Variants in OTUD7A observed in about 807,000 individuals in gnomAD.
OTUD7A encodes OTU deubiquitinase 7A.
OTUD7A carries 12 observed loss-of-function variants against 65.7 expected under a neutral mutation model. That is an observed-to-expected ratio of 0.18 (90% confidence interval 0.12 to 0.30). The LOEUF is 0.30. Ranked by LOEUF, OTUD7A falls within the 10% of genes least tolerant of loss-of-function variation. The probability of loss-of-function intolerance (pLI) is 1.00; values close to 1 mark genes in which losing one functional copy is unlikely to be tolerated. For missense variants in OTUD7A, 1,148 were observed against 1,304.8 expected (o/e 0.88, Z 1.85); for synonymous variants, 641 against 586.3 (o/e 1.09, Z -1.35).
chr15:31,564,387 G>GTTTTTTTTT lies in OTUD7A; in HGVS notation c.332-5209_332-5201dup, dbSNP rs398026753. ...TTTTTGGAAGTAGTCTTTGAGGAAG[G>GTTTTTTTTT]TTTTTTTTTTTTTAGCAAAAGAGAA... On this transcript the variant is annotated intron_variant, in intron 4 of 12. Transcript: ENST00000307050. Among the ~76,000 whole-genome samples, 25 of 119,924 alleles carry GTTTTTTTTT rather than the reference G, an allele frequency of 2.1e-4. 2 individuals carry two copies. The East Asian group carries it at 2.3e-3, about 11-fold the overall frequency. The allele number at this position is 119,924 out of a possible 152,430, so 78.7% of individuals were successfully genotyped here.
chr15:31,682,517 T>C (rs946418943), intron 1 of OTUD7A, among the ~76,000 whole-genome samples: 3 of 152,204 alleles, frequency 2.0e-5, no homozygotes, highest in Non-Finnish European at 1.5e-5. Flanking sequence ...CAGTATAGTA[T>C]TGGGATAGTA....
At chr15:31,801,626 G>C (rs146811038) in intron 1 of OTUD7A, among the ~76,000 whole-genome samples, 235 of 152,328 alleles carry the variant, frequency 1.5e-3, no homozygotes, top group African/African-American at 4.7e-3. Flanking sequence ...TCTACTTTGT[G>C]GGTGCTAAAG....
chr15:31,666,023 A>ATTTT (rs71113413), intron 1 of OTUD7A, among the ~76,000 whole-genome samples: 2 of 147,436 alleles, frequency 1.4e-5, no homozygotes, highest in African/African-American at 2.5e-5. Context: ...ATCATGGTGG[A>ATTTT]TTTTTTTTTT....
chr15:31,844,213 A>T (rs1567051624), intron 1 of OTUD7A, among the ~76,000 whole-genome samples: 1 of 152,220 alleles, frequency 6.6e-6, no homozygotes, highest in Non-Finnish European at 1.5e-5. Context: ...GAGAATCAAG[A>T]ATCGCACACT....
chr15:31,583,047 A>G (rs1889420470), intron 3 of OTUD7A, among the ~76,000 whole-genome samples: 1 of 152,090 alleles, frequency 6.6e-6, no homozygotes, highest in East Asian at 1.9e-4. Flanking sequence ...TATGCTGGAA[A>G]GTGTGTTCAA....
rs398026753 is a variant in OTUD7A, at chr15:31,564,387, G to GTTTTTTTT, written c.332-5208_332-5201dup. Reference sequence around the variant, plus strand: ...TTTTTGGAAGTAGTCTTTGAGGAAGGTTTTTTTTTTTTTAGCAAAAGAGAA... The same window carrying GTTTTTTTT: ...TTTTTGGAAGTAGTCTTTGAGGAAGGTTTTTTTTTTTTTTTTTTTTTAGCAAAAGAGAA... On this transcript the variant is annotated intron_variant, in intron 4 of 12. Transcript: ENST00000307050. Among the ~76,000 whole-genome samples the GTTTTTTTT allele has an allele frequency of 6.0e-4, 72 of 119,924 alleles. 6 individuals are homozygous for GTTTTTTTT. Among genetic ancestry groups the GTTTTTTTT allele is most frequent in the Non-Finnish European group, 1.1e-3 (57 of 53,696 alleles). 78.7% of individuals were successfully genotyped at this position (119,924 alleles called of 152,430 possible).
intron 3 of OTUD7A, among the ~76,000 whole-genome samples, chr15:31,637,303 T>C (rs1340759926): frequency 2.6e-5 from 4 of 152,320 alleles, no homozygotes; most frequent in South Asian, 2.1e-4. Flanking sequence ...CTGTGCTCTA[T>C]AGGAACAAAG....
At chr15:31,679,332 G>A (rs1171938022) in intron 1 of OTUD7A, among the ~76,000 whole-genome samples, 1 of 152,092 alleles carries the variant, frequency 6.6e-6, no homozygotes, top group African/African-American at 2.4e-5. Context: ...GGGGACTGTT[G>A]GAAAGGCATG....
intron 3 of OTUD7A, among the ~76,000 whole-genome samples, chr15:31,577,672 G>C (rs1889244185): frequency 6.6e-6 from 1 of 152,040 alleles, no homozygotes. Flanking sequence ...TACTGGCTCA[G>C]AAGGGCGACA....
At chr15:31,524,402 A>C (rs535716640) in intron 8 of OTUD7A, among the ~76,000 whole-genome samples, 2 of 152,200 alleles carry the variant, frequency 1.3e-5, no homozygotes, top group South Asian at 4.2e-4. Context: ...GGGGTCTTGG[A>C]ACAGTTACCT....
intron 5 of OTUD7A, chr15:31,558,292 T>A (rs1247463828): frequency 6.6e-6 from 1 of 152,398 alleles, no homozygotes; most frequent in Non-Finnish European, 1.5e-5. Context: ...TTTGGACTCA[T>A]TATTTTCTCC....
chr15:31,769,806 A>G (rs1895186199), intron 1 of OTUD7A, among the ~76,000 whole-genome samples: 1 of 152,190 alleles, frequency 6.6e-6, no homozygotes, highest in Non-Finnish European at 1.5e-5. Context: ...GGGGTTAGTT[A>G]GGAGTAAAGG....
At chr15:31,775,590 G>A (rs995608025) in intron 1 of OTUD7A, among the ~76,000 whole-genome samples, 1 of 152,132 alleles carries the variant, frequency 6.6e-6, no homozygotes, top group Non-Finnish European at 1.5e-5. Context: ...CAGATATCTA[G>A]GAGGAAAATA....
chr15:31,521,509 A>G (rs1206133105), intron 8 of OTUD7A, among the ~76,000 whole-genome samples: 2 of 152,126 alleles, frequency 1.3e-5, no homozygotes, highest in Non-Finnish European at 2.9e-5. Flanking sequence ...TGGCACCTTC[A>G]GGAATACACA....
intron 3 of OTUD7A, among the ~76,000 whole-genome samples, chr15:31,611,166 G>T (rs8023753): frequency 0.29 from 43,543 of 151,766 alleles, 7,367 homozygotes; most frequent in African/African-American, 0.47. Context: ...GTGCTAAGAG[G>T]AAACTTCATA....
At chr15:31,631,700 ATTCTCCC>A (rs1891162008) in intron 3 of OTUD7A, among the ~76,000 whole-genome samples, 1 of 152,124 alleles carries the variant, frequency 6.6e-6, no homozygotes, top group African/African-American at 2.4e-5. Flanking sequence ...ACTTGGTTCC[ATTCTCCC>A]CATCACTTTC....
chr15:31,792,652 A>G (rs957570103), intron 1 of OTUD7A, among the ~76,000 whole-genome samples: 1 of 152,144 alleles, frequency 6.6e-6, no homozygotes, highest in African/African-American at 2.4e-5. Flanking sequence ...TCTCTCTCTC[A>G]CAGCAGACTG....
At position 31,849,167 on chromosome 15, in the gene OTUD7A, G is replaced by A. The variant is rs144654465; in HGVS notation, c.-100+21340C>T. Among the ~76,000 whole-genome samples, 51 of 152,160 alleles carry A rather than the reference G, an allele frequency of 3.4e-4. No homozygotes were observed. The East Asian group carries it at 8.1e-3, about 24-fold the overall frequency. On this transcript the variant is annotated intron_variant, in intron 1 of 12. Coordinates refer to ENST00000307050, the MANE Select transcript of OTUD7A (RefSeq NM_001382637.1). ...ACTTTGAACTACACTACAAGGCTAC[G>A]GTAACCAAAACAGCATGGTACTGGT...
chr15:31,651,848 G>A (rs1383253368), intron 3 of OTUD7A, among the ~76,000 whole-genome samples: 1 of 151,938 alleles, frequency 6.6e-6, no homozygotes, highest in Non-Finnish European at 1.5e-5. Flanking sequence ...CTTAATGGAG[G>A]CCCAAGCAAA....
Sources: allele counts gnomAD v4.1 joint callset (sites outside exome capture counted in the v4.1 genomes callset), GRCh38; gene constraint gnomAD v4.1.1; transcripts MANE v1.5; gene names NCBI Gene and HGNC (gene_info 2026-07-23, HGNC 2026-07-21).